Variants in MAEL observed in about 807,000 individuals in gnomAD.
MAEL encodes maelstrom spermatogenic transposon silencer, also known as protein maelstrom homolog.
MAEL carries 46 observed loss-of-function variants against 62.0 expected under a neutral mutation model. The ratio of observed to expected loss-of-function variants is 0.74; its 90% CI spans 0.59 to 0.95. The LOEUF (loss-of-function observed/expected upper bound fraction) is 0.95, where lower values mean the gene tolerates loss of function less well. MAEL is among the 40% of genes least tolerant of loss of function. MAEL has a pLI of 0.00. For synonymous variants in MAEL, 172 were observed against 175.5 expected (o/e 0.98, Z 0.16); for missense variants, 497 against 526.8 (o/e 0.94, Z 0.55).
intron 5 of MAEL, among the ~76,000 whole-genome samples, chr1:166,999,114 T>C (rs1299558427): frequency 6.6e-6 from 1 of 152,174 alleles, no homozygotes; most frequent in South Asian, 2.1e-4. Flanking sequence ...TACAATGGCC[T>C]CTCAGTGTTC....
intron 8 of MAEL, among the ~76,000 whole-genome samples, chr1:167,015,260 G>A (rs1665341108): frequency 1.3e-5 from 2 of 152,026 alleles, no homozygotes; most frequent in Non-Finnish European, 2.9e-5. Flanking sequence ...CTTAACTTTT[G>A]TTTTAATCTA....
chr1:166,990,005 C>T, intron 2 of MAEL, 176 bp downstream of exon 2: 1 of 599,516 alleles, frequency 1.7e-6, no homozygotes, highest in Non-Finnish European at 3.0e-6. Context: ...AAACCAACAG[C>T]CTCCACAACT....
upstream of MAEL, chr1:166,989,126 C>G: frequency 1.7e-6 from 1 of 582,176 alleles, no homozygotes; most frequent in African/African-American, 1.9e-5. Context: ...TTGGCACCTG[C>G]GACGGCGCTC....
chr1:167,013,911 T>C (rs535353085), intron 8 of MAEL, among the ~76,000 whole-genome samples: 10 of 152,304 alleles, frequency 6.6e-5, no homozygotes, highest in East Asian at 3.9e-4. Context: ...GTTTACTTTT[T>C]TTCATGGGGG....
chr1:166,991,502 C>G lies in MAEL; in HGVS notation c.325+25C>G, dbSNP rs781597882. 4.1e-6 allele frequency: 6 copies of G among 1,478,212 alleles called. No homozygotes were observed. The South Asian group carries it at 6.8e-5, about 17-fold the overall frequency. The allele number at this position is 1,478,212 out of a possible 1,614,324, so 91.6% of individuals were successfully genotyped here. On this transcript the variant is annotated intron_variant, in intron 3 of 11. Transcript: ENST00000367872. Reference sequence around the variant, plus strand: ...GGTAGAGTAATCCTGAAATATTTTGCTGAGATAAATTTGAGTGCCCAAAAC... The same window carrying G: ...GGTAGAGTAATCCTGAAATATTTTGGTGAGATAAATTTGAGTGCCCAAAAC...
chr1:166,986,944 A>ATGTGTG (rs1663935321), upstream of MAEL, among the ~76,000 whole-genome samples: 5 of 57,700 alleles, frequency 8.7e-5, no homozygotes, highest in South Asian at 1.4e-3. Context: ...AAGGAAGGGG[A>ATGTGTG]CGTGTGTGTG....
At chr1:166,995,105 A>T (rs1244813538) in intron 5 of MAEL, among the ~76,000 whole-genome samples, 1 of 152,034 alleles carries the variant, frequency 6.6e-6, no homozygotes, top group Admixed American at 6.6e-5. Context: ...TTCTTTATAA[A>T]TGAACATATT....
At chr1:167,013,564 C>T (rs1176960081) in intron 8 of MAEL, among the ~76,000 whole-genome samples, 1 of 152,204 alleles carries the variant, frequency 6.6e-6, no homozygotes, top group Non-Finnish European at 1.5e-5. Flanking sequence ...TCTACACAAT[C>T]TTCTATATCC....
At chr1:167,004,086 AC>A in intron 5 of MAEL, 93 bp from the exon 6 acceptor site, 2 of 1,072,934 alleles carry the variant, frequency 1.9e-6, no homozygotes, top group Non-Finnish European at 2.7e-6. Context: ...ACTGTGTGTT[AC>A]CCACTACTCT....
intron 1 of MAEL, among the ~76,000 whole-genome samples, chr1:166,977,557 A>G (rs1235065129): frequency 1.3e-5 from 2 of 152,246 alleles, no homozygotes; most frequent in Non-Finnish European, 2.9e-5. Flanking sequence ...CAGAAGATTG[A>G]GATGATATAT....
intron 8 of MAEL, among the ~76,000 whole-genome samples, chr1:167,008,735 G>C (rs776192719): frequency 1.3e-5 from 2 of 151,838 alleles, no homozygotes; most frequent in Non-Finnish European, 2.9e-5. Flanking sequence ...ATGAATTTAC[G>C]TAGATTATTG....
rs1430960216 is a variant in MAEL at position 167,021,089 on chromosome 1, T to A, written c.1046T>A (p.Leu349Gln). 1 of 1,610,022 alleles carries A rather than the reference T, an allele frequency of 6.2e-7. No individual in the cohort carries two copies. The highest frequency in any genetic ancestry group is 1.3e-5 in the African/African-American group (1 of 74,820). Residue 349 changes from leucine (L) to glutamine (Q), a missense_variant, in exon 11 of 12, where the codon CTA becomes CAA. Coordinates refer to ENST00000367872, the MANE Select transcript of MAEL (RefSeq NM_032858.3). Reference protein sequence around the residue: ...VVLDAGRYQKLRVGSSGFSHF... With the variant: ...VVLDAGRYQKQRVGSSGFSHF... ...GTATTTTCCTGTTACTTACAGAAGC[T>A]AAGGGTTGGGAGTTCAGGATTCTCT...
chr1:166,981,980 T>C (rs1663772352), intron 1 of MAEL, among the ~76,000 whole-genome samples: 1 of 152,012 alleles, frequency 6.6e-6, no homozygotes, highest in African/African-American at 2.4e-5. Context: ...CAGATTGAGG[T>C]CTCTTCCATG....
intron 8 of MAEL, among the ~76,000 whole-genome samples, chr1:167,015,938 T>A (rs1279517715): frequency 6.6e-6 from 1 of 152,160 alleles, no homozygotes; most frequent in Non-Finnish European, 1.5e-5. Context: ...ATTGAATAAA[T>A]GTTTGTTGAA....
At chr1:166,994,911 G>C (rs992147136) in intron 5 of MAEL, among the ~76,000 whole-genome samples, 2 of 149,394 alleles carry the variant, frequency 1.3e-5, no homozygotes, top group African/African-American at 4.9e-5. Flanking sequence ...CTTGTGATCC[G>C]CCCACATCGG....
upstream of MAEL, chr1:166,989,219 G>A: frequency 1.7e-6 from 2 of 1,191,710 alleles, no homozygotes; most frequent in East Asian, 5.2e-5. Flanking sequence ...CAATGCGACT[G>A]CGCGTCGCTT....
intron 8 of MAEL, among the ~76,000 whole-genome samples, chr1:167,008,298 C>T (rs1665018746): frequency 6.6e-6 from 1 of 151,988 alleles, no homozygotes; most frequent in Non-Finnish European, 1.5e-5. Context: ...TTCTGTTCTT[C>T]TATGGAAATT....
rs748958911 is a variant in MAEL, at chr1:167,021,801, C to G, written c.1251C>G (p.Leu417=). ...IHKFSNCDTS[L]SPYMSQKDGY... is the part of the protein sequence containing the mutation. The stretch of plus-strand genomic sequence containing the variant: ...AATTCTCCAACTGTGACACTTCACT[C>G]TCACCTTACATGTCCCAAAAAGATG... Residue 417 remains leucine (L), a synonymous_variant, in exon 12 of 12, where the codon CTC becomes CTG. Transcript: ENST00000367872. 5 of 1,612,528 alleles carry G rather than the reference C, an allele frequency of 3.1e-6. No individual in the cohort carries two copies. Among genetic ancestry groups the G allele is most frequent in the African/African-American group, 1.3e-5 (1 of 74,976 alleles).
At chr1:167,010,798 T>C (rs1665139075) in intron 8 of MAEL, among the ~76,000 whole-genome samples, 1 of 152,156 alleles carries the variant, frequency 6.6e-6, no homozygotes, top group Non-Finnish European at 1.5e-5. Flanking sequence ...TTTCTGTAGA[T>C]GAAGATACAT....
Sources: allele counts gnomAD v4.1 joint callset (sites outside exome capture counted in the v4.1 genomes callset), GRCh38; gene constraint gnomAD v4.1.1; transcripts MANE v1.5; gene names NCBI Gene and HGNC (gene_info 2026-07-23, HGNC 2026-07-21).